ACP2: variants seen among roughly 807,000 people sequenced by gnomAD.
ACP2 encodes the protein lysosomal acid phosphatase.
Under a neutral mutation model 54.7 loss-of-function variants are expected in ACP2, and 35 were observed. That is an observed-to-expected ratio of 0.64 (90% confidence interval 0.49 to 0.85). The LOEUF (loss-of-function observed/expected upper bound fraction) is 0.85, where lower values mean the gene tolerates loss of function less well. Ranked by LOEUF, ACP2 falls within the 40% of genes least tolerant of loss-of-function variation. The pLI is 0.00. For missense variants in ACP2, 492 were observed against 565.0 expected (o/e 0.87, Z 1.31); for synonymous variants, 210 against 224.4 (o/e 0.94, Z 0.57).
chr11:47,245,814 G>A lies in ACP2; in HGVS notation c.318C>T (p.Asp106=), dbSNP rs1441306765. ...HRQEVYVRST[D]FDRTLMSAEA... Reference sequence around the variant, plus strand: ...CAGCACTCATGAGAGTCCGGTCAAAGTCTGTGCTTCGCACATAAACCTGCA... The same window carrying A: ...CAGCACTCATGAGAGTCCGGTCAAAATCTGTGCTTCGCACATAAACCTGCA... Residue 106 remains aspartate (D), a synonymous_variant, in exon 4 of 11, where the codon GAC becomes GAT. Coordinates refer to ENST00000672073, the MANE Select transcript of ACP2 (RefSeq NM_001610.4). 2 of 1,587,188 alleles carry A rather than the reference G, an allele frequency of 1.3e-6. No homozygotes were observed.
chr11:47,241,441 C>T (rs1240048610), intron 10 of ACP2, among the ~76,000 whole-genome samples: 3 of 152,032 alleles, frequency 2.0e-5, no homozygotes, highest in Admixed American at 6.6e-5. Flanking sequence ...CACTTACACC[C>T]GGGAGGCGGA....
chr11:47,247,597 G>A, intron 3 of ACP2, 44 bp downstream of exon 3: 1 of 1,608,120 alleles, frequency 6.2e-7, no homozygotes, highest in Non-Finnish European at 8.5e-7. Context: ...AAAGATGAGG[G>A]CAGCATACCT....
At position 47,242,631 on chromosome 11, in the gene ACP2, A is replaced by G; in HGVS notation, c.1138+92T>C. The G allele has an allele frequency of 5.4e-6, 8 of 1,481,716 alleles. No homozygotes were observed. The Admixed American group carries it at 5.7e-5, about 10-fold the overall frequency. The allele number at this position is 1,481,716 out of a possible 1,614,324, so 91.8% of individuals were successfully genotyped here. ...GGGAACTCCTAGCAAATGCAGTCAA[A>G]TGGCTGGAAGTGCGACAGCTCTTGA... is the stretch of plus-strand genomic sequence containing the variant. On this transcript the variant is annotated intron_variant, in intron 10 of 10. Transcript: ENST00000672073.
At chr11:47,247,012 C>T (rs374965740) in intron 3 of ACP2, among the ~76,000 whole-genome samples, 12 of 152,200 alleles carry the variant, frequency 7.9e-5, no homozygotes, top group African/African-American at 2.4e-4. Flanking sequence ...ATTCTTGATA[C>T]GGCTGAGGCT....
rs747551152 is a variant in ACP2 at position 47,244,844 on chromosome 11, C to A, written c.663G>T (p.Pro221=). The A allele has an allele frequency of 6.2e-7, 1 of 1,610,150 alleles. No individual in the cohort carries two copies. The highest frequency in any genetic ancestry group is 8.5e-7 in the Non-Finnish European group (1 of 1,177,210). The stretch of plus-strand genomic sequence containing the variant: ...GCATGGTTTGGGGTGAGGCCCAGGG[C>A]GGCAGGCGCAGCCCGTGCGTTTGCT... ...FCEQTHGLRL[P]PWASPQTMQR... Residue 221 remains proline (P), a synonymous_variant, in exon 7 of 11, where the codon CCG becomes CCT. Coordinates refer to ENST00000672073, the MANE Select transcript of ACP2 (RefSeq NM_001610.4).
chr11:47,248,753 G>A lies in ACP2; in HGVS notation c.37C>T (p.Leu13Phe). 6.2e-7 allele frequency: 1 copy of A among 1,605,650 alleles called. No individual in the cohort carries two copies. The highest frequency in any genetic ancestry group is 8.5e-7 in the Non-Finnish European group (1 of 1,176,372). The change falls in exon 1 of 11, where the codon CTC becomes TTC. Residue 13 changes from leucine to phenylalanine, a missense_variant. Leu to Phe is a conservative substitution (Grantham distance 22). Transcript: ENST00000672073. ...TTCACGCCGAGAAGGAGCTGGAGGAGAGCCGCCCGGCTCCAGCCGGACCGC... is the reference window on the plus strand; with the variant it reads ...TTCACGCCGAGAAGGAGCTGGAGGAAAGCCGCCCGGCTCCAGCCGGACCGC... Reference protein sequence around the residue: ...GKRSGWSRAALLQLLLGVNLV... With the variant: ...GKRSGWSRAAFLQLLLGVNLV...
At chr11:47,245,856 T>A (rs1954051469) in intron 3 of ACP2, 22 bp from the exon 4 acceptor site, 4 of 1,317,976 alleles carry the variant, frequency 3.0e-6, no homozygotes, top group Middle Eastern at 2.1e-4. Context: ...GCAACACAAG[T>A]CGTGTGTGTG....
At chr11:47,248,647 A>G in intron 1 of ACP2, 29 bp downstream of exon 1, 1 of 1,594,128 alleles carries the variant, frequency 6.3e-7, no homozygotes, top group Non-Finnish European at 8.5e-7. Context: ...AGCTTCAGGG[A>G]AGTCTTTGGT....
At chr11:47,244,912 C>G (rs755379836) in intron 6 of ACP2, 45 bp from the exon 7 acceptor site, 2 of 1,551,664 alleles carry the variant, frequency 1.3e-6, no homozygotes, top group Non-Finnish European at 1.7e-6. Context: ...CCTAGGCCAG[C>G]CTCTCCAGGG....
In ACP2 at chr11:47,243,300, C is replaced by T; in HGVS notation, c.794G>A (p.Arg265Lys). The T allele has an allele frequency of 3.7e-6, 6 of 1,614,192 alleles. No individual in the cohort carries two copies. The highest frequency in any genetic ancestry group is 5.1e-6 in the Non-Finnish European group (6 of 1,180,026). ...GGTCGCCATTAGGGTCAGGTTCTTCCTTATCTGAGCCAGCAGGACTCCTGA... is the reference window on the plus strand; with the variant it reads ...GGTCGCCATTAGGGTCAGGTTCTTCTTTATCTGAGCCAGCAGGACTCCTGA... Reference protein sequence around the residue: ...LQGGVLLAQIRKNLTLMATTS... With the variant: ...LQGGVLLAQIKKNLTLMATTS... The change falls in exon 8 of 11, where the codon AGG (arginine) becomes AAG (lysine). Residue 265 changes from arginine (R) to lysine (K), a missense_variant. Coordinates refer to ENST00000672073, the MANE Select transcript of ACP2 (RefSeq NM_001610.4).
chr11:47,244,791 C>T lies in ACP2; in HGVS notation c.716G>A (p.Ser239Asn), dbSNP rs1248581493. 1.9e-6 allele frequency: 3 copies of T among 1,612,990 alleles called. No individual in the cohort carries two copies. Among genetic ancestry groups the T allele is most frequent in the Non-Finnish European group, 2.5e-6 (3 of 1,179,276 alleles). The stretch of plus-strand genomic sequence containing the variant: ...GTAGATTCCGAAGAGGAAGCGGAAG[C>T]TGAAGTCCTTTAGCCGGCTGAGACG... Reference protein sequence around the residue: ...MQRLSRLKDFSFRFLFGIYQQ... With the variant: ...MQRLSRLKDFNFRFLFGIYQQ... The change falls in exon 7 of 11, where the codon AGC (serine) becomes AAC (asparagine). Residue 239 changes from serine to asparagine, a missense_variant. Transcript: ENST00000672073.
intron 6 of ACP2, 194 bp downstream of exon 6, chr11:47,245,111 T>C: frequency 1.1e-6 from 1 of 895,014 alleles, no homozygotes; most frequent in Non-Finnish European, 1.8e-6. Context: ...CAGGGACTGC[T>C]GACAATTAAT....
At chr11:47,245,904 C>T (rs1954061083) in intron 3 of ACP2, 70 bp from the exon 4 acceptor site, 5 of 1,312,104 alleles carry the variant, frequency 3.8e-6, no homozygotes, top group Middle Eastern at 2.4e-4. Flanking sequence ...TTTTGGTCAC[C>T]CTGAAGTGGA....
At chr11:47,245,186 A>T (rs1954019884) in intron 6 of ACP2, 119 bp downstream of exon 6, 1 of 1,149,818 alleles carries the variant, frequency 8.7e-7, no homozygotes, top group East Asian at 2.3e-5. Flanking sequence ...TCACAAGCAC[A>T]GCCTCCCTGG....
In ACP2 at chr11:47,243,219, T is replaced by G. The variant is rs528645202; in HGVS notation, c.855+20A>C. On this transcript the variant is annotated intron_variant, in intron 8 of 10. Transcript: ENST00000672073. ...CAGCTCCTTGCCTGACACAGCACGC[T>G]AGGGAGCGCAGGCACTCACCGCAGA... 8.7e-6 allele frequency: 14 copies of G among 1,613,834 alleles called. No homozygotes were observed. The South Asian group carries it at 1.5e-4, about 18-fold the overall frequency.
At chr11:47,247,185 G>C (rs1954162736) in intron 3 of ACP2, among the ~76,000 whole-genome samples, 1 of 152,102 alleles carries the variant, frequency 6.6e-6, no homozygotes, top group African/African-American at 2.4e-5. Flanking sequence ...GAAAAGACAA[G>C]CCCTCTCTAC....
At chr11:47,247,410 C>T (rs1954188658) in intron 3 of ACP2, 1 of 591,216 alleles carries the variant, frequency 1.7e-6, no homozygotes, top group Non-Finnish European at 3.0e-6. Flanking sequence ...CCAGGCCCGC[C>T]CTTAAGTCCG....
Position 47,245,371 on chromosome 11 carries a change from G to A in ACP2, c.573C>T (p.Asn191=), listed in dbSNP as rs560625251. The A allele has an allele frequency of 1.2e-6, 2 of 1,614,162 alleles. No homozygotes were observed. Among genetic ancestry groups the A allele is most frequent in the South Asian group, 1.1e-5 (1 of 91,084 alleles). The stretch of plus-strand genomic sequence containing the variant: ...GTGTCAGGTCTGTAAGCCCTGTCTC[G>A]TTGGCCACCATGTCCAGAAATTGCT... ...RNAQFLDMVA[N]ETGLTDLTLE... Residue 191 remains asparagine, a synonymous_variant, in exon 6 of 11, where the codon AAC becomes AAT. Coordinates refer to ENST00000672073, the MANE Select transcript of ACP2 (RefSeq NM_001610.4).
chr11:47,247,951 G>C (rs1954263430), intron 2 of ACP2, 87 bp downstream of exon 2: 1 of 1,223,934 alleles, frequency 8.2e-7, no homozygotes, highest in African/African-American at 1.5e-5. Context: ...GGAAAAGGCA[G>C]TTTAGTAGGA....
Sources: allele counts gnomAD v4.1 joint callset (sites outside exome capture counted in the v4.1 genomes callset), GRCh38; gene constraint gnomAD v4.1.1; transcripts MANE v1.5; gene names NCBI Gene and HGNC (gene_info 2026-07-23, HGNC 2026-07-21).